LOC400499: variants seen among roughly 807,000 people sequenced by gnomAD.
the LOC400499 span, among the ~76,000 whole-genome samples, chr16:11,496,232 A>G: frequency 6.6e-6 from 1 of 151,774 alleles, no homozygotes; most frequent in South Asian, 2.1e-4. Flanking sequence ...ACGCCTGGCT[A>G]ATTTTTGTAT....
chr16:11,434,747 C>T, the LOC400499 span, among the ~76,000 whole-genome samples: 15 of 152,304 alleles, frequency 9.8e-5, no homozygotes, highest in Admixed American at 8.5e-4. Flanking sequence ...TAGGACAACC[C>T]TAAGAAGCAG....
the LOC400499 span, chr16:11,384,792 A>G: frequency 1.8e-6 from 2 of 1,098,964 alleles, no homozygotes; most frequent in Non-Finnish European, 2.3e-6. Flanking sequence ...GAGGCTCTGC[A>G]TGCACGGTAG....
the LOC400499 span, among the ~76,000 whole-genome samples, chr16:11,401,076 T>C: frequency 4.5e-4 from 69 of 152,306 alleles, no homozygotes; most frequent in Non-Finnish European, 8.5e-4. Flanking sequence ...CAATGAGGTA[T>C]TGATAAAGGA....
the LOC400499 span, chr16:11,390,451 G>T: frequency 8.0e-7 from 1 of 1,245,126 alleles, no homozygotes; most frequent in Non-Finnish European, 1.0e-6. Context: ...ATCCTTCAGT[G>T]TGGCCAGGGG....
chr16:11,399,821 T>A, the LOC400499 span: 1 of 398,592 alleles, frequency 2.5e-6, no homozygotes, highest in African/African-American at 2.1e-5. Flanking sequence ...TGCACCTGCA[T>A]TGGGATGGGA....
At chr16:11,417,253 G>T in the LOC400499 span, among the ~76,000 whole-genome samples, 4 of 152,124 alleles carry the variant, frequency 2.6e-5, no homozygotes, top group African/African-American at 7.2e-5. Flanking sequence ...TTGAGACAGG[G>T]TCTCATTCTG....
the LOC400499 span, among the ~76,000 whole-genome samples, chr16:11,378,270 G>T: frequency 1.2e-4 from 7 of 57,728 alleles, no homozygotes; most frequent in Non-Finnish European, 1.9e-4. Flanking sequence ...TTTTTTTGCC[G>T]GGGGGAGGGG....
At chr16:11,408,619 C>A in the LOC400499 span, among the ~76,000 whole-genome samples, 41 of 152,150 alleles carry the variant, frequency 2.7e-4, no homozygotes, top group Admixed American at 9.8e-4. Flanking sequence ...GTACACACCA[C>A]CATGCCTGGC....
At chr16:11,488,910 G>C in the LOC400499 span, 1 of 398,634 alleles carries the variant, frequency 2.5e-6, no homozygotes, top group Non-Finnish European at 4.4e-6. Context: ...CGTGAGGAAA[G>C]GGCCAGGAGC....
chr16:11,433,469 T>C, the LOC400499 span, among the ~76,000 whole-genome samples: 1 of 152,214 alleles, frequency 6.6e-6, no homozygotes, highest in African/African-American at 2.4e-5. Context: ...AATACCAGCA[T>C]AATATTGTGA....
At chr16:11,428,457 A>G in the LOC400499 span, among the ~76,000 whole-genome samples, 6 of 152,138 alleles carry the variant, frequency 3.9e-5, no homozygotes, top group Non-Finnish European at 7.3e-5. Context: ...TACAGGCGTG[A>G]GCCACCGCGG....
At chr16:11,426,627 G>A in the LOC400499 span, among the ~76,000 whole-genome samples, 1 of 151,362 alleles carries the variant, frequency 6.6e-6, no homozygotes, top group Non-Finnish European at 1.5e-5. Flanking sequence ...AAACCTAAAT[G>A]GCATAAAAAT....
chr16:11,480,293 C>G, the LOC400499 span, among the ~76,000 whole-genome samples: 1 of 152,204 alleles, frequency 6.6e-6, no homozygotes, highest in Admixed American at 6.5e-5. Context: ...GCGGACCTCC[C>G]TCTTTCAAGT....
At chr16:11,404,698 A>G in the LOC400499 span, 1 of 398,666 alleles carries the variant, frequency 2.5e-6, no homozygotes, top group Non-Finnish European at 4.4e-6. Context: ...CCCCTCACAC[A>G]CTCACCCTGC....
the LOC400499 span, chr16:11,470,482 C>T: frequency 6.6e-6 from 1 of 152,218 alleles, no homozygotes; most frequent in Non-Finnish European, 1.5e-5. Context: ...TTTCTGGGTC[C>T]CCCGGAGCCT....
At chr16:11,457,583 C>A in the LOC400499 span, among the ~76,000 whole-genome samples, 1 of 131,118 alleles carries the variant, frequency 7.6e-6, no homozygotes, top group Non-Finnish European at 1.6e-5. Flanking sequence ...CAGGGCCAGA[C>A]TCCATCTCAA....
chr16:11,505,056 C>T, the LOC400499 span, among the ~76,000 whole-genome samples: 3 of 151,996 alleles, frequency 2.0e-5, no homozygotes, highest in African/African-American at 4.8e-5. Context: ...GGCCGGTGGC[C>T]GCATGCTACT....
chr16:11,407,688 C>A, the LOC400499 span, among the ~76,000 whole-genome samples: 1 of 152,152 alleles, frequency 6.6e-6, no homozygotes, highest in South Asian at 2.1e-4. Context: ...TGCCTGGGTG[C>A]GTGTCAGCAT....
At chr16:11,405,755 T>G in the LOC400499 span, among the ~76,000 whole-genome samples, 1 of 152,298 alleles carries the variant, frequency 6.6e-6, no homozygotes, top group Admixed American at 6.5e-5. Flanking sequence ...CTGCCACCTG[T>G]AGGTCCCTCC....
Sources: allele counts gnomAD v4.1 joint callset (sites outside exome capture counted in the v4.1 genomes callset), GRCh38; gene constraint gnomAD v4.1.1; transcripts MANE v1.5.